Variants in CALCB observed in about 807,000 individuals in gnomAD.
CALCB encodes the protein calcitonin related polypeptide beta.
Under a neutral mutation model 10.7 loss-of-function variants are expected in CALCB, and 8 were observed. That is an observed-to-expected ratio of 0.75 (90% CI 0.44 to 1.34). The LOEUF (loss-of-function observed/expected upper bound fraction) is 1.34, where lower values mean the gene tolerates loss of function less well. Ranked by LOEUF, CALCB falls within the 40% of genes most tolerant of loss-of-function variation. CALCB has a pLI of 0.01. For synonymous variants in CALCB, 76 were observed against 66.9 expected, an observed-to-expected ratio of 1.14 and a Z score of -0.66; for missense variants, 176 against 162.5, an observed-to-expected ratio of 1.08 and a Z score of -0.45.
intron 1 of CALCB, 120 bp downstream of exon 1, chr11:15,073,783 C>A (rs2133639576): frequency 6.6e-6 from 1 of 152,666 alleles, no homozygotes; most frequent in African/African-American, 2.4e-5. Context: ...TACCTTACAG[C>A]GGTGGTCCTA....
At chr11:15,074,933 C>A in intron 2 of CALCB, 128 bp from the exon 3 acceptor site, 1 of 1,408,212 alleles carries the variant, frequency 7.1e-7, no homozygotes, top group South Asian at 1.2e-5. Context: ...GCCTCATGCC[C>A]GTCCCCTGGG....
At chr11:15,077,258 T>C (rs761379039) in intron 3 of CALCB, 28 bp from the exon 4 acceptor site, 1 of 1,610,622 alleles carries the variant, frequency 6.2e-7, no homozygotes, top group Non-Finnish European at 8.5e-7. Flanking sequence ...TCACAGGTCT[T>C]CTCTTCTTTC....
In CALCB at chr11:15,077,397, T is replaced by C. The variant is rs1180433014; in HGVS notation, c.336T>C (p.Asn112=). 6.2e-7 allele frequency: 1 copy of C among 1,614,212 alleles called. No homozygotes were observed. Among genetic ancestry groups the C allele is most frequent in the Non-Finnish European group, 8.5e-7 (1 of 1,180,040 alleles). Residue 112 remains asparagine, a synonymous_variant, in exon 4 of 5, where the codon AAT becomes AAC. Coordinates refer to ENST00000324229, the MANE Select transcript of CALCB (RefSeq NM_000728.4). ...GMVKSNFVPT[N]VGSKAFGRRR... is the part of the protein sequence containing the mutation. The stretch of plus-strand genomic sequence containing the variant: ...TGAAGAGCAACTTCGTGCCCACCAA[T>C]GTGGGTTCCAAAGCCTTTGGCAGGC...
intron 3 of CALCB, among the ~76,000 whole-genome samples, chr11:15,075,465 A>G (rs537663109): frequency 6.6e-5 from 10 of 152,338 alleles, no homozygotes; most frequent in South Asian, 6.2e-4. Flanking sequence ...GAAAAAACTC[A>G]ATTTGTGAAA....
chr11:15,073,823 C>A (rs752236690), intron 1 of CALCB, among the ~76,000 whole-genome samples, 160 bp downstream of exon 1: 4 of 152,236 alleles, frequency 2.6e-5, no homozygotes, highest in African/African-American at 7.2e-5. Flanking sequence ...AGAAGGCGAG[C>A]GGTTAGGGTT....
chr11:15,076,202 T>G (rs1205805559), intron 3 of CALCB, among the ~76,000 whole-genome samples: 3 of 152,180 alleles, frequency 2.0e-5, no homozygotes, highest in African/African-American at 4.8e-5. Context: ...TAGCGTATAG[T>G]AATCTGAGTA....
intron 3 of CALCB, 139 bp from the exon 4 acceptor site, chr11:15,077,147 T>G (rs551640061): frequency 2.6e-4 from 234 of 894,756 alleles, no homozygotes; most frequent in Middle Eastern, 3.5e-4. Flanking sequence ...CCATTTCCCC[T>G]AACAGCTTTG....
intron 2 of CALCB, 54 bp from the exon 3 acceptor site, chr11:15,075,007 G>C: frequency 6.2e-7 from 1 of 1,603,240 alleles, no homozygotes; most frequent in Non-Finnish European, 8.5e-7. Context: ...GCCTATCCTG[G>C]GGAGGGTCAG....
chr11:15,076,741 A>G (rs1850398535), intron 3 of CALCB, among the ~76,000 whole-genome samples: 1 of 152,228 alleles, frequency 6.6e-6, no homozygotes, highest in African/African-American at 2.4e-5. Flanking sequence ...GAGGGTGTCC[A>G]GTGCCTATGC....
intron 2 of CALCB, 92 bp from the exon 3 acceptor site, chr11:15,074,969 G>T (rs1030770591): frequency 2.0e-6 from 3 of 1,530,242 alleles, no homozygotes; most frequent in Non-Finnish European, 2.7e-6. Context: ...ATCCCCAGGG[G>T]AAGAAGCAGA....
intron 2 of CALCB, 67 bp downstream of exon 2, chr11:15,074,871 C>A: frequency 6.8e-7 from 1 of 1,480,002 alleles, no homozygotes; most frequent in Non-Finnish European, 9.3e-7. Context: ...AGCTCTGTGC[C>A]TCTGAAGTCA....
In CALCB at chr11:15,074,704, T is replaced by A; in HGVS notation, c.-9-6T>A. On this transcript the variant is annotated splice_region_variant and splice_polypyrimidine_tract_variant and intron_variant, in intron 1 of 4. Transcript: ENST00000324229. ...GTGCAGTAGTAACGTCATCCTTCCT[T>A]TACAGAGAGGCGGCATGGGTTTCCG... 1 of 1,610,890 alleles carries A rather than the reference T, an allele frequency of 6.2e-7. No individual in the cohort carries two copies. The highest frequency in any genetic ancestry group is 1.1e-5 in the South Asian group (1 of 90,892).
At chr11:15,078,002 TCTC>T (rs1445976924) in intron 4 of CALCB, 78 bp from the exon 5 acceptor site, 1 of 152,240 alleles carries the variant, frequency 6.6e-6, no homozygotes, top group African/African-American at 2.4e-5. Context: ...TTCTCTTCCT[TCTC>T]CTTTTCATCT....
At chr11:15,075,299 C>A in intron 3 of CALCB, 101 bp downstream of exon 3, 1 of 1,578,540 alleles carries the variant, frequency 6.3e-7, no homozygotes, top group Non-Finnish European at 8.6e-7. Flanking sequence ...GCAAGGGGTC[C>A]AGCAAGCTGA....
At position 15,078,427 on chromosome 11, in the gene CALCB, T is replaced by C. The variant is rs1212831981; in HGVS notation, c.*370T>C. 6.6e-6 allele frequency: 1 copy of C among 152,190 alleles called. No homozygotes were observed. The highest frequency in any genetic ancestry group is 2.4e-5 in the African/African-American group (1 of 41,434). The allele number at this position is 152,190 out of a possible 1,614,324, so 9.4% of individuals were successfully genotyped here. On this transcript the variant is annotated 3_prime_UTR_variant, in exon 5 of 5. Transcript: ENST00000324229. ...TGTGGTCTCCGAGGACACATGGTAA[T>C]GGTGATGCTGTGCCTTGTTATCTAA... is the stretch of plus-strand genomic sequence containing the variant.
At chr11:15,075,038 A>C (rs1406659376) in intron 2 of CALCB, 23 bp from the exon 3 acceptor site, 1 of 1,613,912 alleles carries the variant, frequency 6.2e-7, no homozygotes, top group African/African-American at 1.3e-5. Context: ...ACAGCCTGCA[A>C]GGAGTTTGCT....
At chr11:15,074,927 C>T in intron 2 of CALCB, 123 bp downstream of exon 2, 5 of 1,393,252 alleles carry the variant, frequency 3.6e-6, no homozygotes, top group Non-Finnish European at 5.0e-6. Flanking sequence ...ACCCTGGCCT[C>T]ATGCCCGTCC....
Position 15,078,091 on chromosome 11 carries a change from GAA to G in CALCB, c.*36_*37del, listed in dbSNP as rs1162807691. On this transcript the variant is annotated 3_prime_UTR_variant, in exon 5 of 5. Coordinates refer to ENST00000324229, the MANE Select transcript of CALCB (RefSeq NM_000728.4). The stretch of plus-strand genomic sequence containing the variant: ...TTTTCCCCTAATCTCAGGTTATCAT[GAA>G]ACTGAACTCACCATTTCTATTAATT... The G allele has an allele frequency of 6.6e-5, 10 of 150,926 alleles. No individual in the cohort carries two copies. 9.3% of individuals were successfully genotyped at this position (150,926 alleles called of 1,614,324 possible).
rs767933835 is a variant in CALCB, at chr11:15,075,130, A to T, written c.156A>T (p.Ala52=). 132 of 1,614,072 alleles carry T rather than the reference A, an allele frequency of 8.2e-5. No individual in the cohort carries two copies. Among genetic ancestry groups the T allele is most frequent in the Non-Finnish European group, 1.1e-4 (126 of 1,180,032 alleles). Residue 52 remains alanine, a synonymous_variant, in exon 3 of 5, where the codon GCA becomes GCT. Transcript: ENST00000324229. The part of the protein sequence containing the change: ...SKEDARLLLA[A]LVQDYVQMKA... ...AGGACGCGCGCCTCCTGCTGGCTGCACTGGTGCAGGACTATGTGCAGATGA... is the reference window on the plus strand; with the variant it reads ...AGGACGCGCGCCTCCTGCTGGCTGCTCTGGTGCAGGACTATGTGCAGATGA...
Sources: gnomAD v4.1 joint callset for allele counts (sites outside exome capture counted in the v4.1 genomes callset) on GRCh38, gnomAD v4.1.1 for gene constraint, MANE v1.5 for transcripts, NCBI Gene and HGNC (gene_info 2026-07-23, HGNC 2026-07-21) for gene names.